UBE2N: variants seen among roughly 807,000 people sequenced by gnomAD.
The protein encoded by UBE2N is ubiquitin conjugating enzyme E2 N, also known as ubiquitin-conjugating enzyme E2 N.
For synonymous variants in UBE2N, 70 were observed against 69.2 expected (o/e 1.01, Z -0.06); for missense variants, 60 against 192.1 (o/e 0.31, Z 4.07).
intron 1 of UBE2N, among the ~76,000 whole-genome samples, chr12:93,413,618 C>T (rs1878102567): frequency 6.6e-6 from 1 of 152,132 alleles, no homozygotes; most frequent in Non-Finnish European, 1.5e-5. Flanking sequence ...TACTGGCAAA[C>T]CCATCTTTCC....
At chr12:93,428,049 G>C (rs1878647071) in intron 1 of UBE2N, among the ~76,000 whole-genome samples, 1 of 152,098 alleles carries the variant, frequency 6.6e-6, no homozygotes. Context: ...CCAACTAGTA[G>C]CTGGGACTAC....
intron 1 of UBE2N, among the ~76,000 whole-genome samples, chr12:93,429,504 C>A (rs755931501): frequency 1.6e-4 from 24 of 151,354 alleles, no homozygotes; most frequent in Admixed American, 1.1e-3. Flanking sequence ...TTCCTATTGC[C>A]TAGTATTTAC....
intron 1 of UBE2N, among the ~76,000 whole-genome samples, chr12:93,418,530 G>A (rs939076163): frequency 6.6e-6 from 1 of 151,616 alleles, no homozygotes; most frequent in African/African-American, 2.4e-5. Context: ...AAAACTGACT[G>A]CCTATTTTCT....
Position 93,441,937 on chromosome 12 carries a change from C to T in UBE2N, c.-53G>A, listed in dbSNP as rs950378007. ...GTCTCGTCTCCGGCTCCTCTCGCCT[C>T]ACGCACGAGTGGAAGTCCCGGGCTC... On this transcript the variant is annotated 5_prime_UTR_variant, in exon 1 of 4. Coordinates refer to ENST00000318066, the MANE Select transcript of UBE2N (RefSeq NM_003348.4). 1.3e-6 allele frequency: 2 copies of T among 1,539,908 alleles called. No individual in the cohort carries two copies.
At chr12:93,411,361 A>T in intron 1 of UBE2N, 62 bp from the exon 2 acceptor site, 1 of 1,535,704 alleles carries the variant, frequency 6.5e-7, no homozygotes, top group South Asian at 1.3e-5. Flanking sequence ...ACCAAAAGTA[A>T]AATTAGAAAG....
chr12:93,426,018 T>C (rs975879966), intron 1 of UBE2N, among the ~76,000 whole-genome samples: 4 of 152,220 alleles, frequency 2.6e-5, no homozygotes, highest in African/African-American at 9.6e-5. Flanking sequence ...TTAGGGACTT[T>C]AATATTTCAC....
intron 1 of UBE2N, among the ~76,000 whole-genome samples, chr12:93,434,531 C>T (rs1476323552): frequency 1.3e-5 from 2 of 152,208 alleles, no homozygotes; most frequent in Non-Finnish European, 2.9e-5. Context: ...CTATTTTTAA[C>T]TTACTTTCAG....
At chr12:93,422,164 T>C (rs1430732190) in intron 1 of UBE2N, among the ~76,000 whole-genome samples, 1 of 152,172 alleles carries the variant, frequency 6.6e-6, no homozygotes, top group Non-Finnish European at 1.5e-5. Context: ...TATTCCTTCA[T>C]AAAACACTCA....
At chr12:93,418,901 A>AAACTAGTCATATTTC (rs1878308208) in intron 1 of UBE2N, among the ~76,000 whole-genome samples, 1 of 152,226 alleles carries the variant, frequency 6.6e-6, no homozygotes, top group Non-Finnish European at 1.5e-5. Flanking sequence ...ATGTTAATTT[A>AAACTAGTCATATTTC]AACTAGTCAT....
chr12:93,411,306 C>A lies in UBE2N; in HGVS notation c.31-7G>T. The A allele has an allele frequency of 6.3e-7, 1 of 1,579,620 alleles. No homozygotes were observed. The highest frequency in any genetic ancestry group is 8.6e-7 in the Non-Finnish European group (1 of 1,165,832). Reference sequence around the variant, plus strand: ...CCAGCAAACGCTGGGTTTCCTATGACAGAAAAACAAACACATTTGTGAAAC... The same window carrying A: ...CCAGCAAACGCTGGGTTTCCTATGAAAGAAAAACAAACACATTTGTGAAAC... On this transcript the variant is annotated splice_region_variant and splice_polypyrimidine_tract_variant and intron_variant, in intron 1 of 3. Transcript: ENST00000318066.
intron 1 of UBE2N, among the ~76,000 whole-genome samples, chr12:93,412,036 TG>T (rs1264035405): frequency 6.6e-6 from 1 of 151,922 alleles, no homozygotes; most frequent in Non-Finnish European, 1.5e-5. Context: ...CTCTGAAAAA[TG>T]TAACGGACTA....
At position 93,409,130 on chromosome 12, in the gene UBE2N, T is replaced by C. The variant is rs1044035727; in HGVS notation, c.*909A>G. ...AGAAGGTTAAAAAAAGGTCAGATAC[T>C]GATGCTTTATGCATGCTCAGGGCCA... On this transcript the variant is annotated 3_prime_UTR_variant, in exon 4 of 4. Transcript: ENST00000318066. The C allele has an allele frequency of 3.9e-5, 6 of 152,650 alleles. No individual in the cohort carries two copies. Among genetic ancestry groups the C allele is most frequent in the Non-Finnish European group, 5.9e-5 (4 of 68,032 alleles). The allele number at this position is 152,650 out of a possible 1,614,324, so 9.5% of individuals were successfully genotyped here. A position where few individuals can be genotyped will look rare whatever the true frequency, so the allele number is the denominator to read the frequency against.
At chr12:93,410,503 C>T (rs1878001915) in intron 3 of UBE2N, 6 of 613,456 alleles carry the variant, frequency 9.8e-6, no homozygotes, top group Admixed American at 3.1e-5. Context: ...ATTTGTTAAA[C>T]CAGGTGTAGT....
chr12:93,421,289 C>T (rs527946808), intron 1 of UBE2N, among the ~76,000 whole-genome samples: 134 of 152,136 alleles, frequency 8.8e-4, no homozygotes, highest in African/African-American at 3.1e-3. Context: ...GCAAGCTCCA[C>T]CTCCCGGGTT....
chr12:93,418,540 T>C (rs771745381), intron 1 of UBE2N, among the ~76,000 whole-genome samples: 2 of 151,130 alleles, frequency 1.3e-5, no homozygotes, highest in Non-Finnish European at 2.9e-5. Context: ...GCCTATTTTC[T>C]AGCTGGGATT....
At chr12:93,419,067 T>G (rs991925648) in intron 1 of UBE2N, among the ~76,000 whole-genome samples, 2 of 152,184 alleles carry the variant, frequency 1.3e-5, no homozygotes, top group African/African-American at 4.8e-5. Context: ...ACAGAAACTT[T>G]AAAGCATCAC....
chr12:93,411,153 T>C lies in UBE2N; in HGVS notation c.177A>G (p.Pro59=). Residue 59 remains proline, a synonymous_variant, in exon 2 of 4, where the codon CCA becomes CCG. Transcript: ENST00000318066. ...GGTFKLELFL[P]EEYPMAAPKV... is the part of the protein sequence containing the mutation. Reference sequence around the variant, plus strand: ...TAGGGGCTGCCATTGGGTATTCTTCTGGAAGGAATAGTTCAAGTTTAAAAG... The same window carrying C: ...TAGGGGCTGCCATTGGGTATTCTTCCGGAAGGAATAGTTCAAGTTTAAAAG... 6.2e-7 allele frequency: 1 copy of C among 1,614,214 alleles called. No individual in the cohort carries two copies. Among genetic ancestry groups the C allele is most frequent in the Non-Finnish European group, 8.5e-7 (1 of 1,180,046 alleles).
intron 1 of UBE2N, 148 bp downstream of exon 1, chr12:93,441,707 T>TCCCTCGCCGCCGCGGCCAACCCCTC: frequency 9.1e-7 from 1 of 1,100,584 alleles, no homozygotes; most frequent in African/African-American, 1.7e-5. Flanking sequence ...GCACCCGACT[T>TCCCTCGCCGCCGCGGCCAACCCCTC]CCCTCGCCGC....
chr12:93,426,454 G>T (rs936823582), intron 1 of UBE2N, among the ~76,000 whole-genome samples: 1 of 148,802 alleles, frequency 6.7e-6, no homozygotes, highest in Non-Finnish European at 1.5e-5. Flanking sequence ...AATTTGAATA[G>T]TGTAAGTAAA....
Sources: allele counts gnomAD v4.1 joint callset (sites outside exome capture counted in the v4.1 genomes callset), GRCh38; gene constraint gnomAD v4.1.1; transcripts MANE v1.5; gene names NCBI Gene and HGNC (gene_info 2026-07-23, HGNC 2026-07-21).